The following GRIA1 variants were observed in gnomAD, a reference collection of about 807,000 sequenced individuals.
GRIA1 encodes the protein glutamate receptor 1.
GRIA1 carries 31 observed loss-of-function variants against 99.2 expected under a neutral mutation model. The observed-to-expected ratio is 0.31, with a 90% CI of 0.23 to 0.42. GRIA1 has a LOEUF of 0.42. GRIA1 is among the 10% of genes least tolerant of loss of function. The probability of loss-of-function intolerance (pLI) is 1.00; values close to 1 mark genes in which losing one functional copy is unlikely to be tolerated. For missense variants in GRIA1, 782 were observed against 1,157.5 expected (o/e 0.68, Z 4.71); for synonymous variants, 438 against 432.4 (o/e 1.01, Z -0.16).
At chr5:153,784,098 T>G (rs1764812503) in intron 13 of GRIA1, among the ~76,000 whole-genome samples, 2 of 152,176 alleles carry the variant, frequency 1.3e-5, no homozygotes, top group East Asian at 1.9e-4. Flanking sequence ...CTCCCAACTC[T>G]ACAGGCAGCT....
intron 1 of GRIA1, chr5:153,492,079 C>G: frequency 3.0e-6 from 4 of 1,328,454 alleles, no homozygotes; most frequent in Non-Finnish European, 4.0e-6. Flanking sequence ...TTTCTAGTCT[C>G]TCTCCCCTGG....
intron 2 of GRIA1, among the ~76,000 whole-genome samples, chr5:153,562,097 C>G (rs35984965): frequency 0.13 from 19,943 of 150,064 alleles, 1,485 homozygotes; most frequent in South Asian, 0.25. Context: ...ATTTGAGAAC[C>G]AAGTTCATTT....
intron 2 of GRIA1, among the ~76,000 whole-genome samples, chr5:153,585,833 T>C (rs1209933365): frequency 6.6e-6 from 1 of 152,174 alleles, no homozygotes; most frequent in Non-Finnish European, 1.5e-5. Flanking sequence ...CATTAAGAGA[T>C]AGTGACTATC....
At chr5:153,602,765 ACT>A (rs939235155) in intron 2 of GRIA1, among the ~76,000 whole-genome samples, 1 of 151,620 alleles carries the variant, frequency 6.6e-6, no homozygotes, top group African/African-American at 2.4e-5. Flanking sequence ...AGGGGAACAG[ACT>A]CTCTCTAGCA....
chr5:153,585,061 A>G (rs34603108), intron 2 of GRIA1, among the ~76,000 whole-genome samples: 5,304 of 152,278 alleles, frequency 0.035, 139 homozygotes, highest in Admixed American at 0.065. Flanking sequence ...GGAACAATGA[A>G]GTAAGTATTA....
At chr5:153,691,978 G>T (rs1051599435) in intron 8 of GRIA1, among the ~76,000 whole-genome samples, 3 of 152,126 alleles carry the variant, frequency 2.0e-5, no homozygotes, top group Non-Finnish European at 4.4e-5. Context: ...CCTCAATGCT[G>T]CTTCCCTGTG....
Position 153,705,933 on chromosome 5 carries a change from T to C in GRIA1, c.1689T>C (p.Tyr563=), listed in dbSNP as rs1417554829. ...TCCTGGTCAGCCGCTTCAGTCCCTA[T>C]GAATGGCACAGTGAAGAGTTTGAGG... is the stretch of plus-strand genomic sequence containing the variant. ...VLFLVSRFSP[Y]EWHSEEFEEG... is the part of the protein sequence containing the mutation. The change falls in exon 11 of 16, where the codon TAT becomes TAC. Residue 563 remains tyrosine (Y), a synonymous_variant. Coordinates refer to ENST00000285900, the MANE Select transcript of GRIA1 (RefSeq NM_000827.4). 9 of 1,613,982 alleles carry C rather than the reference T, an allele frequency of 5.6e-6. No individual in the cohort carries two copies. The highest frequency in any genetic ancestry group is 1.7e-5 in the Admixed American group (1 of 59,994).
intron 8 of GRIA1, among the ~76,000 whole-genome samples, chr5:153,687,691 C>G (rs571507499): frequency 6.6e-6 from 1 of 152,316 alleles, no homozygotes; most frequent in East Asian, 1.9e-4. Context: ...ACATTTACAT[C>G]ACTGCAGAAA....
In GRIA1 at chr5:153,772,031, G is replaced by A. The variant is rs549616566; in HGVS notation, c.2270+1616G>A. ...GTTCCAGACAGAGACAAGAGAGAAT[G>A]AAGTGGAGGCAATATTTTAAAGAAA... On this transcript the variant is annotated intron_variant, in intron 13 of 15. Transcript: ENST00000285900. 2.0e-5 allele frequency among the ~76,000 whole-genome samples: 3 copies of A among 152,266 alleles called. No homozygotes were observed. The East Asian group carries it at 5.8e-4, about 29-fold the overall frequency.
At chr5:153,626,143 G>A (rs569015216) in intron 2 of GRIA1, among the ~76,000 whole-genome samples, 4 of 152,182 alleles carry the variant, frequency 2.6e-5, no homozygotes, top group Non-Finnish European at 5.9e-5. Flanking sequence ...TAGTTTCCTC[G>A]TTGGGTTATG....
In GRIA1 at chr5:153,613,100, C is replaced by T. The variant is rs1360279798; in HGVS notation, c.221-33828C>T. On this transcript the variant is annotated intron_variant, in intron 2 of 15. Transcript: ENST00000285900. The stretch of plus-strand genomic sequence containing the variant: ...GGAGTCGGTCCTTTTTGGACTAAAG[C>T]TCCTTTTTCTTTTCCTCCCCCCAAT... Among the ~76,000 whole-genome samples the T allele has an allele frequency of 1.3e-5, 2 of 152,150 alleles. 1 individual carries two copies. The highest frequency in any genetic ancestry group is 4.8e-5 in the African/African-American group (2 of 41,414).
intron 14 of GRIA1, among the ~76,000 whole-genome samples, chr5:153,797,997 T>C (rs1765756027): frequency 6.6e-6 from 1 of 152,184 alleles, no homozygotes; most frequent in Non-Finnish European, 1.5e-5. Context: ...AGAAACTCCT[T>C]AGGTGCCTCA....
chr5:153,650,235 G>A, intron 3 of GRIA1, 95 bp from the exon 4 acceptor site: 1 of 1,033,372 alleles, frequency 9.7e-7, no homozygotes. Context: ...GAGTGGGTTT[G>A]GGGGTAGCCA....
intron 12 of GRIA1, among the ~76,000 whole-genome samples, chr5:153,768,335 A>G (rs1416308378): frequency 6.6e-6 from 1 of 152,144 alleles, no homozygotes; most frequent in Non-Finnish European, 1.5e-5. Flanking sequence ...CCAGGGACTT[A>G]AAGATTATAA....
In GRIA1 at chr5:153,650,396, A is replaced by G; in HGVS notation, c.527A>G (p.Asn176Ser). ...AEKNWQVTAV[N>S]ILTTTEEGYR... ...AAGAACTGGCAGGTGACAGCAGTCA[A>G]CATTTTGACAACCACAGAGGAGGGA... is the stretch of plus-strand genomic sequence containing the variant. The change falls in exon 4 of 16, where the codon AAC (asparagine) becomes AGC (serine). Residue 176 changes from asparagine (N) to serine (S), a missense_variant. Asn to Ser is a conservative substitution (Grantham distance 46, BLOSUM62 1). This residue lies in a region of GRIA1 where 461 missense variants were observed against 521.7 expected (regional missense o/e 0.88). Coordinates refer to ENST00000285900, the MANE Select transcript of GRIA1 (RefSeq NM_000827.4). 1 of 1,614,030 alleles carries G rather than the reference A, an allele frequency of 6.2e-7. No individual in the cohort carries two copies. The highest frequency in any genetic ancestry group is 8.5e-7 in the Non-Finnish European group (1 of 1,179,926).
chr5:153,765,970 G>C (rs574832891), intron 12 of GRIA1, among the ~76,000 whole-genome samples: 1 of 152,230 alleles, frequency 6.6e-6, no homozygotes, highest in Non-Finnish European at 1.5e-5. Context: ...TCAGGCAAAA[G>C]AGAAGGGATC....
intron 2 of GRIA1, among the ~76,000 whole-genome samples, chr5:153,626,588 C>T (rs763856585): frequency 2.6e-5 from 4 of 151,964 alleles, no homozygotes; most frequent in Non-Finnish European, 5.9e-5. Flanking sequence ...GCTCTCAGTG[C>T]TAATATAGAC....
intron 2 of GRIA1, among the ~76,000 whole-genome samples, chr5:153,551,590 G>A (rs1347286708): frequency 6.6e-6 from 1 of 152,138 alleles, no homozygotes; most frequent in Non-Finnish European, 1.5e-5. Flanking sequence ...TATCTGAAAT[G>A]AACTGTCTCA....
chr5:153,666,928 G>A (rs974427253), intron 5 of GRIA1, among the ~76,000 whole-genome samples: 3 of 152,060 alleles, frequency 2.0e-5, no homozygotes, highest in Non-Finnish European at 1.5e-5. Context: ...ACCCTTCTGG[G>A]ACTCAAATAC....
Sources: allele counts gnomAD v4.1 joint callset (sites outside exome capture counted in the v4.1 genomes callset), GRCh38; gene constraint gnomAD v4.1.1; regional missense constraint gnomAD v4.1.1; transcripts MANE v1.5; gene names NCBI Gene and HGNC (gene_info 2026-07-23, HGNC 2026-07-21).